SYK: variants seen among roughly 807,000 people sequenced by gnomAD.
SYK encodes the protein tyrosine-protein kinase SYK.
SYK carries 16 observed loss-of-function variants against 77.8 expected under a neutral mutation model. The observed-to-expected ratio is 0.21, with a 90% CI of 0.14 to 0.31. The LOEUF is 0.31. SYK is among the 10% of genes least tolerant of loss of function. The pLI is 1.00. For missense variants in SYK, 529 were observed against 814.4 expected (o/e 0.65, Z 4.26); for synonymous variants, 312 against 308.7 (o/e 1.01, Z -0.11).
rs564880395 is a variant in SYK, at chr9:90,853,874, TAATAA to T, written c.578+8298_578+8302del. Among the ~76,000 whole-genome samples, 501 of 151,250 alleles carry T rather than the reference TAATAA, an allele frequency of 3.3e-3. 2 individuals are homozygous for T. The highest frequency in any genetic ancestry group is 0.011 in the African/African-American group (463 of 41,190). ...TACCCTAAAACTTAAAGTATAATAA[TAATAA>T]AATAAAATAAAATAAAAAAGAAAAA... On this transcript the variant is annotated intron_variant, in intron 3 of 13. Transcript: ENST00000375754.
At chr9:90,850,432 C>T (rs1269789875) in intron 3 of SYK, among the ~76,000 whole-genome samples, 4 of 152,092 alleles carry the variant, frequency 2.6e-5, no homozygotes, top group African/African-American at 9.7e-5. Context: ...AGGAGAATCT[C>T]TTGAACCCAG....
At chr9:90,844,402 A>G (rs988946678) in intron 2 of SYK, 87 bp downstream of exon 2, 2 of 1,372,344 alleles carry the variant, frequency 1.5e-6, no homozygotes, top group South Asian at 1.5e-5. Flanking sequence ...ACATGTGCCT[A>G]TGTGCCCTGT....
chr9:90,824,682 C>CA (rs888691140), intron 1 of SYK, among the ~76,000 whole-genome samples: 28 of 141,836 alleles, frequency 2.0e-4, no homozygotes, highest in South Asian at 1.1e-3. Flanking sequence ...TCTTTCATGT[C>CA]AAAAAAAAAA....
chr9:90,840,142 G>A (rs796321999), intron 1 of SYK, among the ~76,000 whole-genome samples: 12 of 152,284 alleles, frequency 7.9e-5, no homozygotes, highest in African/African-American at 2.2e-4. Flanking sequence ...CTTAGAGAAC[G>A]CAAGTCCTGC....
At chr9:90,810,021 C>T (rs535975785) in intron 1 of SYK, among the ~76,000 whole-genome samples, 4 of 152,248 alleles carry the variant, frequency 2.6e-5, no homozygotes, top group Non-Finnish European at 5.9e-5. Flanking sequence ...GGGATGATTT[C>T]CCCAAAGAAG....
chr9:90,854,710 A>G (rs374828961), intron 3 of SYK, among the ~76,000 whole-genome samples: 17 of 152,116 alleles, frequency 1.1e-4, no homozygotes, highest in African/African-American at 3.4e-4. Flanking sequence ...AGGCCTTGGT[A>G]GTCACCCCTT....
chr9:90,878,781 A>G lies in SYK; in HGVS notation c.1409A>G (p.Asn470Ser), dbSNP rs201930376. The G allele has an allele frequency of 2.5e-6, 4 of 1,610,744 alleles. No homozygotes were observed. Among genetic ancestry groups the G allele is most frequent in the Non-Finnish European group, 3.4e-6 (4 of 1,177,190 alleles). ...LQQNRHVKDK[N>S]IIELVHQVSM... ...ACTTTCAGACATGTCAAGGATAAGAACATCATAGAACTGGTTCATCAGGTT... is the reference window on the plus strand; with the variant it reads ...ACTTTCAGACATGTCAAGGATAAGAGCATCATAGAACTGGTTCATCAGGTT... The change falls in exon 11 of 14, where the codon AAC becomes AGC. Residue 470 changes from asparagine to serine, a missense_variant. Around this residue, in one of 2 missense-constraint regions of SYK, gnomAD observed 208 missense variants for 381.3 expected, o/e 0.55. Transcript: ENST00000375754.
At chr9:90,819,603 A>G (rs1463105739) in intron 1 of SYK, among the ~76,000 whole-genome samples, 1 of 152,194 alleles carries the variant, frequency 6.6e-6, no homozygotes, top group Non-Finnish European at 1.5e-5. Context: ...CAAGAATAGC[A>G]TGGAAAAGAC....
intron 1 of SYK, among the ~76,000 whole-genome samples, chr9:90,829,587 G>A (rs1039969149): frequency 1.1e-4 from 16 of 152,164 alleles, no homozygotes; most frequent in African/African-American, 3.4e-4. Context: ...TGGAACTCTC[G>A]GACCAGATCC....
At chr9:90,837,472 G>A (rs1460124453) in intron 1 of SYK, among the ~76,000 whole-genome samples, 1 of 152,084 alleles carries the variant, frequency 6.6e-6, no homozygotes, top group Non-Finnish European at 1.5e-5. Flanking sequence ...AAAGGCCTGA[G>A]AAGGAGGAAG....
chr9:90,845,848 G>A (rs55662037), intron 3 of SYK, among the ~76,000 whole-genome samples: 18,326 of 152,210 alleles, frequency 0.12, 1,611 homozygotes, highest in Admixed American at 0.22. Flanking sequence ...AATATTTAAA[G>A]AAAATGTGAT....
chr9:90,813,350 C>T (rs943698613), intron 1 of SYK, among the ~76,000 whole-genome samples: 1 of 152,086 alleles, frequency 6.6e-6, no homozygotes, highest in African/African-American at 2.4e-5. Flanking sequence ...CATACTCGCC[C>T]AGAAGGGCCC....
chr9:90,865,695 A>G (rs898485080), intron 6 of SYK, among the ~76,000 whole-genome samples: 2 of 152,086 alleles, frequency 1.3e-5, no homozygotes, highest in Non-Finnish European at 2.9e-5. Context: ...CCAATATTAA[A>G]TCAGAAGTAG....
chr9:90,846,204 G>A (rs2118654574), intron 3 of SYK, among the ~76,000 whole-genome samples: 1 of 152,330 alleles, frequency 6.6e-6, no homozygotes. Context: ...TGGTCAGTCA[G>A]TTGTCCAGAG....
chr9:90,876,487 C>T (rs4744019), intron 9 of SYK, among the ~76,000 whole-genome samples: 27,127 of 151,978 alleles, frequency 0.18, 2,784 homozygotes, highest in Admixed American at 0.3. Context: ...TCAAAATTGG[C>T]TGTGATACTT....
intron 1 of SYK, among the ~76,000 whole-genome samples, chr9:90,807,164 C>T (rs1420988797): frequency 3.3e-5 from 5 of 152,238 alleles, no homozygotes; most frequent in Admixed American, 2.6e-4. Flanking sequence ...TCCTACACTT[C>T]CATGACCCTG....
At chr9:90,879,483 G>A (rs964473390) in intron 11 of SYK, among the ~76,000 whole-genome samples, 55 of 152,200 alleles carry the variant, frequency 3.6e-4, no homozygotes, top group African/African-American at 1.2e-3. Context: ...GCAGTTCAGA[G>A]CTCCAATATT....
chr9:90,811,978 A>G (rs1825097854), intron 1 of SYK, among the ~76,000 whole-genome samples: 1 of 151,762 alleles, frequency 6.6e-6, no homozygotes, highest in Admixed American at 6.6e-5. Flanking sequence ...CCACATGCAC[A>G]TAATAATTTA....
chr9:90,807,149 A>G (rs1162694173), intron 1 of SYK, among the ~76,000 whole-genome samples: 2 of 152,230 alleles, frequency 1.3e-5, no homozygotes, highest in African/African-American at 4.8e-5. Context: ...AGTCTCAGCC[A>G]GTGGTCCTAC....
Sources: gnomAD v4.1 joint callset for allele counts (sites outside exome capture counted in the v4.1 genomes callset) on GRCh38, gnomAD v4.1.1 for gene constraint, gnomAD v4.1.1 regional missense constraint, MANE v1.5 for transcripts, NCBI Gene and HGNC (gene_info 2026-07-23, HGNC 2026-07-21) for gene names.